STK38L: variants seen among roughly 807,000 people sequenced by gnomAD.
The protein encoded by STK38L is serine/threonine kinase 38 like, also known as serine/threonine-protein kinase 38-like.
In STK38L, 28 loss-of-function variants were observed where a neutral mutation model predicts 59.7. That is an observed-to-expected ratio of 0.47 (90% CI 0.35 to 0.64). The LOEUF (loss-of-function observed/expected upper bound fraction) is 0.64. Ranked by LOEUF, STK38L falls within the 30% of genes least tolerant of loss-of-function variation. The probability of loss-of-function intolerance (pLI) is 0.01; values close to 1 mark genes in which losing one functional copy is unlikely to be tolerated. For missense variants in STK38L, 314 were observed against 555.8 expected (o/e 0.56, Z 4.37); for synonymous variants, 162 against 176.8 (o/e 0.92, Z 0.66).
At chr12:27,250,461 T>G (rs892077943) in intron 1 of STK38L, among the ~76,000 whole-genome samples, 1 of 152,182 alleles carries the variant, frequency 6.6e-6, no homozygotes, top group Non-Finnish European at 1.5e-5. Context: ...TGTTCTTGAT[T>G]CCTTTTTCTT....
chr12:27,244,871 G>T (rs1942816205), intron 1 of STK38L, among the ~76,000 whole-genome samples: 1 of 152,204 alleles, frequency 6.6e-6, no homozygotes, highest in South Asian at 2.1e-4. Context: ...CTCAAAACCA[G>T]TCTTAGAATC....
intron 5 of STK38L, among the ~76,000 whole-genome samples, chr12:27,310,696 T>G (rs1436023615): frequency 6.6e-6 from 1 of 152,210 alleles, no homozygotes; most frequent in Non-Finnish European, 1.5e-5. Flanking sequence ...TCTAGAAAAT[T>G]TAAAAATTAC....
At chr12:27,320,522 G>C (rs1944701952) in intron 12 of STK38L, among the ~76,000 whole-genome samples, 1 of 144,488 alleles carries the variant, frequency 6.9e-6, no homozygotes, top group African/African-American at 2.6e-5. Context: ...GAACTCCTGA[G>C]CTCAAGCGAT....
At chr12:27,291,664 A>C (rs1943898930) in intron 1 of STK38L, among the ~76,000 whole-genome samples, 1 of 152,226 alleles carries the variant, frequency 6.6e-6, no homozygotes, top group South Asian at 2.1e-4. Flanking sequence ...AGAGGAAAGA[A>C]GCTGTAGCTG....
chr12:27,254,058 A>G (rs1231280321), intron 1 of STK38L, among the ~76,000 whole-genome samples: 9 of 152,236 alleles, frequency 5.9e-5, no homozygotes, highest in Admixed American at 5.2e-4. Context: ...AGCCAGAGAG[A>G]TAAAGAGAAA....
At chr12:27,318,670 A>G (rs1325079259) in intron 11 of STK38L, among the ~76,000 whole-genome samples, 6 of 152,206 alleles carry the variant, frequency 3.9e-5, no homozygotes, top group South Asian at 4.1e-4. Flanking sequence ...TAGACTGTCT[A>G]TAATACCTCT....
intron 1 of STK38L, among the ~76,000 whole-genome samples, chr12:27,267,507 A>G (rs1943324628): frequency 6.6e-6 from 1 of 152,238 alleles, no homozygotes; most frequent in Non-Finnish European, 1.5e-5. Flanking sequence ...CCTGGTCTCA[A>G]GCCATCTTCC....
chr12:27,248,678 A>G (rs78509734), intron 1 of STK38L, among the ~76,000 whole-genome samples: 3,031 of 152,254 alleles, frequency 0.02, 110 homozygotes, highest in African/African-American at 0.069. Flanking sequence ...GTGAACGAAT[A>G]TAAGTATTCT....
chr12:27,322,267 A>G (rs1290302955), intron 13 of STK38L, 33 bp downstream of exon 13: 1 of 1,613,218 alleles, frequency 6.2e-7, no homozygotes, highest in Admixed American at 1.7e-5. Context: ...TAACCCTATT[A>G]AAAGTCTTTG....
chr12:27,258,158 A>G (rs1485881996), intron 1 of STK38L, among the ~76,000 whole-genome samples: 2 of 152,116 alleles, frequency 1.3e-5, no homozygotes, highest in African/African-American at 4.8e-5. Flanking sequence ...TGCCCGGCCT[A>G]TGTCAAGCTT....
intron 6 of STK38L, among the ~76,000 whole-genome samples, chr12:27,314,187 A>C (rs1300324013): frequency 1.3e-5 from 2 of 152,102 alleles, no homozygotes; most frequent in Non-Finnish European, 2.9e-5. Flanking sequence ...GATAGCTTGA[A>C]ACCAGGAGTT....
chr12:27,273,399 G>A (rs1275279864), intron 1 of STK38L, among the ~76,000 whole-genome samples: 1 of 151,942 alleles, frequency 6.6e-6, no homozygotes, highest in African/African-American at 2.4e-5. Context: ...AGTGTTGACA[G>A]GCTTGTTTTG....
Position 27,321,351 on chromosome 12 carries a change from A to G in STK38L, c.1176-792A>G, listed in dbSNP as rs149538251. Among the ~76,000 whole-genome samples, 40 of 152,314 alleles carry G rather than the reference A, an allele frequency of 2.6e-4. 1 individual carries two copies. Among genetic ancestry groups the G allele is most frequent in the African/African-American group, 6.7e-4 (28 of 41,572 alleles). ...GCATTTTCATGACTGGTTTCTTTTTAACTGAGTATCTTTGATTCTCTTAAA... is the reference window on the plus strand; with the variant it reads ...GCATTTTCATGACTGGTTTCTTTTTGACTGAGTATCTTTGATTCTCTTAAA... On this transcript the variant is annotated intron_variant, in intron 12 of 13. Coordinates refer to ENST00000389032, the MANE Select transcript of STK38L (RefSeq NM_015000.4).
intron 1 of STK38L, among the ~76,000 whole-genome samples, chr12:27,266,580 G>T (rs1234654881): frequency 6.6e-6 from 1 of 152,160 alleles, no homozygotes; most frequent in Non-Finnish European, 1.5e-5. Context: ...ATACAACACA[G>T]AGTGATTATC....
At chr12:27,244,928 T>G (rs574509138) in intron 1 of STK38L, among the ~76,000 whole-genome samples, 65 of 152,334 alleles carry the variant, frequency 4.3e-4, no homozygotes, top group Admixed American at 2.1e-3. Flanking sequence ...AAATCATTTC[T>G]CCCACTCCTT....
intron 3 of STK38L, among the ~76,000 whole-genome samples, chr12:27,306,268 T>G (rs1452248804): frequency 2.0e-5 from 3 of 152,158 alleles, no homozygotes; most frequent in Non-Finnish European, 4.4e-5. Flanking sequence ...GCAGGATTTC[T>G]GCAACTATAT....
intron 1 of STK38L, among the ~76,000 whole-genome samples, chr12:27,284,425 T>G (rs1444907209): frequency 6.6e-6 from 1 of 152,246 alleles, no homozygotes; most frequent in Non-Finnish European, 1.5e-5. Context: ...TAATGACAGA[T>G]AAGATGGTCT....
intron 1 of STK38L, among the ~76,000 whole-genome samples, chr12:27,255,804 T>C (rs188941496): frequency 1.3e-5 from 2 of 152,246 alleles, no homozygotes; most frequent in Non-Finnish European, 2.9e-5. Context: ...TCCAAACCGG[T>C]ATATCTTGCT....
chr12:27,267,333 G>T (rs1049755152), intron 1 of STK38L, among the ~76,000 whole-genome samples: 1 of 152,170 alleles, frequency 6.6e-6, no homozygotes, highest in African/African-American at 2.4e-5. Flanking sequence ...TGTAATCCCA[G>T]CACTTTGGGA....
Sources: gnomAD v4.1 joint callset for allele counts (sites outside exome capture counted in the v4.1 genomes callset) on GRCh38, gnomAD v4.1.1 for gene constraint, MANE v1.5 for transcripts, NCBI Gene and HGNC (gene_info 2026-07-23, HGNC 2026-07-21) for gene names.